Variants in AIG1 observed in about 807,000 individuals in gnomAD.
AIG1 encodes the protein androgen-induced gene 1 protein.
A neutral mutation model predicts 31.4 loss-of-function variants in AIG1; 23 were observed. The observed-to-expected ratio is 0.73, with a 90% confidence interval of 0.53 to 1.04. The LOEUF (loss-of-function observed/expected upper bound fraction) is 1.04. AIG1 is among the 50% of genes least tolerant of loss of function. AIG1 has a pLI of 0.00. For synonymous variants in AIG1, 100 were observed against 110.5 expected (o/e 0.90, Z 0.60); for missense variants, 274 against 295.0 (o/e 0.93, Z 0.52).
intron 3 of AIG1, chr6:143,187,609 T>C (rs2128592577): frequency 6.5e-7 from 1 of 1,536,136 alleles, no homozygotes; most frequent in Non-Finnish European, 8.7e-7. Context: ...TAAAAGATGT[T>C]GCGACCTTTC....
At chr6:143,183,137 A>G (rs1788887315) in intron 3 of AIG1, among the ~76,000 whole-genome samples, 1 of 151,550 alleles carries the variant, frequency 6.6e-6, no homozygotes, top group Non-Finnish European at 1.5e-5. Context: ...TCTTCTACAT[A>G]TTAATTGTTT....
At chr6:143,188,396 T>A (rs1287987246) in intron 3 of AIG1, 9 of 985,374 alleles carry the variant, frequency 9.1e-6, no homozygotes, top group Non-Finnish European at 9.6e-6. Context: ...GCTGGTGAAG[T>A]TGGCTGACAT....
At chr6:143,114,017 G>A (rs1583218194) in intron 1 of AIG1, among the ~76,000 whole-genome samples, 2 of 152,170 alleles carry the variant, frequency 1.3e-5, no homozygotes, top group South Asian at 2.1e-4. Flanking sequence ...CTCGTGATCC[G>A]CCTGCCTCGA....
intron 1 of AIG1, among the ~76,000 whole-genome samples, chr6:143,098,279 C>T (rs1453974043): frequency 2.0e-5 from 3 of 152,170 alleles, no homozygotes; most frequent in African/African-American, 7.2e-5. Flanking sequence ...GTGGCTAATT[C>T]TGATTTTTTA....
At position 143,299,681 on chromosome 6, in the gene AIG1, AT is replaced by A. The variant is rs1798694410; in HGVS notation, c.515+15459del. ...CAGTATGATGCTGCACAGTCATGTA[AT>A]TTATGACACACAAAACTCTTCAACA... On this transcript the variant is annotated intron_variant, in intron 4 of 5. Coordinates refer to ENST00000357847, the MANE Select transcript of AIG1 (RefSeq NM_016108.4). This position sits in a 1 kb window ranked among gnomAD's most constrained non-coding sequence, Gnocchi z 4.1. 1 of 152,208 alleles carries A rather than the reference AT, an allele frequency of 6.6e-6. No homozygotes were observed. Among genetic ancestry groups the A allele is most frequent in the Non-Finnish European group, 1.5e-5 (1 of 68,042 alleles). 9.4% of individuals were successfully genotyped at this position (152,208 alleles called of 1,614,324 possible).
chr6:143,288,969 G>C lies in AIG1; in HGVS notation c.515+4744G>C, dbSNP rs1797873951. Reference sequence around the variant, plus strand: ...GTTAAGCTTTGTCTAAAGACTTTAAGTCAGTAGAAAGAAATGCTTGAGTTA... The same window carrying C: ...GTTAAGCTTTGTCTAAAGACTTTAACTCAGTAGAAAGAAATGCTTGAGTTA... On this transcript the variant is annotated intron_variant, in intron 4 of 5. Transcript: ENST00000357847. This position sits in a 1 kb window ranked among gnomAD's most constrained non-coding sequence, Gnocchi z 4.4. Among the ~76,000 whole-genome samples the C allele has an allele frequency of 6.6e-6, 1 of 152,208 alleles. No individual in the cohort carries two copies. The highest frequency in any genetic ancestry group is 2.4e-5 in the African/African-American group (1 of 41,450).
At chr6:143,068,028 G>T (rs1225660173) in intron 1 of AIG1, among the ~76,000 whole-genome samples, 2 of 152,068 alleles carry the variant, frequency 1.3e-5, no homozygotes, top group Admixed American at 1.3e-4. Context: ...ATAAAATAGG[G>T]GCCTGGTTTT....
At chr6:143,232,800 A>T (rs527990934) in intron 3 of AIG1, among the ~76,000 whole-genome samples, 1 of 151,952 alleles carries the variant, frequency 6.6e-6, no homozygotes, top group Non-Finnish European at 1.5e-5. Flanking sequence ...CTTTCTGCCA[A>T]TTTTGCTCCA....
intron 1 of AIG1, among the ~76,000 whole-genome samples, chr6:143,130,437 C>T (rs555906785): frequency 6.6e-6 from 1 of 151,920 alleles, no homozygotes; most frequent in East Asian, 2.0e-4. Flanking sequence ...ACTTTTGGGG[C>T]CAGGTGTGGT....
Position 143,331,589 on chromosome 6 carries a change from ATTGT to A in AIG1, c.516-1687_516-1684del, listed in dbSNP as rs757524495. On this transcript the variant is annotated intron_variant, in intron 4 of 5. Transcript: ENST00000357847. This position sits in a 1 kb window ranked among gnomAD's most constrained non-coding sequence, Gnocchi z 4.1. Reference sequence around the variant, plus strand: ...CCATTGCATGCATATGCCACATTTGATTGTTTGTTCACCTACTGATGTGTTTCTA... The same window carrying A: ...CCATTGCATGCATATGCCACATTTGATTGTTCACCTACTGATGTGTTTCTA... Among the ~76,000 whole-genome samples, 18 of 151,712 alleles carry A rather than the reference ATTGT, an allele frequency of 1.2e-4. No individual in the cohort carries two copies. The East Asian group carries it at 2.7e-3, about 23-fold the overall frequency.
intron 3 of AIG1, among the ~76,000 whole-genome samples, chr6:143,174,683 G>T (rs941758080): frequency 3.3e-5 from 5 of 151,758 alleles, no homozygotes; most frequent in African/African-American, 1.2e-4. Context: ...TTTAAGTAGA[G>T]GATTTAGGCC....
intron 4 of AIG1, among the ~76,000 whole-genome samples, chr6:143,295,130 T>G (rs995288319): frequency 6.6e-6 from 1 of 152,170 alleles, no homozygotes; most frequent in South Asian, 2.1e-4. Context: ...TGGAAATCTA[T>G]GAGACATCCT....
intron 1 of AIG1, among the ~76,000 whole-genome samples, chr6:143,071,309 A>G (rs781562746): frequency 3.5e-4 from 54 of 152,354 alleles, no homozygotes; most frequent in Non-Finnish European, 6.5e-4. Flanking sequence ...CATAGTATGC[A>G]TACACCACAG....
intron 4 of AIG1, among the ~76,000 whole-genome samples, chr6:143,318,883 A>G (rs1775974969): frequency 1.3e-5 from 2 of 152,176 alleles, no homozygotes; most frequent in South Asian, 2.1e-4. Context: ...AAAATGCTCA[A>G]CATCACTAAT....
At chr6:143,148,051 C>G (rs1166792997) in intron 2 of AIG1, among the ~76,000 whole-genome samples, 1 of 152,170 alleles carries the variant, frequency 6.6e-6, no homozygotes, top group African/African-American at 2.4e-5. Flanking sequence ...TGAGGTCACA[C>G]AGCAAGTAAA....
chr6:143,269,663 C>T (rs1796372006), intron 3 of AIG1, among the ~76,000 whole-genome samples: 10 of 152,164 alleles, frequency 6.6e-5, no homozygotes. Flanking sequence ...TACAGCTCCA[C>T]AAGGCAATAC....
At chr6:143,277,612 A>G (rs1053463560) in intron 3 of AIG1, among the ~76,000 whole-genome samples, 4 of 152,244 alleles carry the variant, frequency 2.6e-5, no homozygotes, top group East Asian at 1.9e-4. Flanking sequence ...TGATGCACAC[A>G]TAACTGTGCA....
rs549166571 is a variant in AIG1 at position 143,306,589 on chromosome 6, T to A, written c.515+22364T>A. Among the ~76,000 whole-genome samples, 36 of 152,334 alleles carry A rather than the reference T, an allele frequency of 2.4e-4. No individual in the cohort carries two copies. In the East Asian group the frequency reaches 6.0e-3, roughly 25 times the overall value. On this transcript the variant is annotated intron_variant, in intron 4 of 5. Transcript: ENST00000357847. Reference sequence around the variant, plus strand: ...AGATCCACTGTTAGTCTGATGGGCTTCCCTTTGTGGGTAACCCGACCTTTC... The same window carrying A: ...AGATCCACTGTTAGTCTGATGGGCTACCCTTTGTGGGTAACCCGACCTTTC...
At chr6:143,184,924 G>A (rs922397230) in intron 3 of AIG1, among the ~76,000 whole-genome samples, 2 of 152,202 alleles carry the variant, frequency 1.3e-5, no homozygotes, top group African/African-American at 2.4e-5. Flanking sequence ...TCGGCTGAGT[G>A]CAATGGCTCA....
Sources: allele counts gnomAD v4.1 joint callset (sites outside exome capture counted in the v4.1 genomes callset), GRCh38; gene constraint gnomAD v4.1.1; non-coding constraint Gnocchi (gnomAD v3.1); transcripts MANE v1.5; gene names NCBI Gene and HGNC (gene_info 2026-07-23, HGNC 2026-07-21).